TXNDC11: variants seen among roughly 807,000 people sequenced by gnomAD.
TXNDC11 encodes the protein thioredoxin domain containing 11, also known as thioredoxin domain-containing protein 11.
A neutral mutation model predicts 78.0 loss-of-function variants in TXNDC11; 68 were observed. The ratio of observed to expected loss-of-function variants is 0.87; its 90% CI spans 0.72 to 1.07. The LOEUF is 1.07. Ranked by LOEUF, TXNDC11 falls within the 50% of genes least tolerant of loss-of-function variation. The pLI is 0.00. For synonymous variants in TXNDC11, 571 were observed against 495.2 expected, an observed-to-expected ratio of 1.15 and a Z score of -2.03; for missense variants, 1,389 against 1,221.8, an observed-to-expected ratio of 1.14 and a Z score of -2.04.
Position 11,733,894 on chromosome 16 carries a change from T to G in TXNDC11, c.569+88A>C, listed in dbSNP as rs1380112565. ...ATCTGAATTTTCTATAGTGAATATC[T>G]AATACTTTAATATAGAAAAAATGCA... On this transcript the variant is annotated intron_variant, in intron 3 of 11. Coordinates refer to ENST00000283033, the MANE Select transcript of TXNDC11 (RefSeq NM_015914.7). 3.4e-6 allele frequency: 3 copies of G among 875,870 alleles called. No homozygotes were observed. In the Admixed American group the frequency reaches 7.0e-5, roughly 20 times the overall value. The allele number at this position is 875,870 out of a possible 1,614,324, so 54.3% of individuals were successfully genotyped here.
chr16:11,713,582 A>C (rs542174844), intron 5 of TXNDC11, among the ~76,000 whole-genome samples: 1 of 151,880 alleles, frequency 6.6e-6, no homozygotes, highest in East Asian at 1.9e-4. Context: ...ATGCCTGCCT[A>C]TTTTTGTATT....
chr16:11,698,404 AC>A, intron 6 of TXNDC11, 79 bp from the exon 7 acceptor site: 3 of 1,287,562 alleles, frequency 2.3e-6, no homozygotes, highest in East Asian at 2.3e-5. Context: ...TGCTGTTCCA[AC>A]CCCACCACTA....
At chr16:11,706,497 T>C (rs183439070) in intron 5 of TXNDC11, among the ~76,000 whole-genome samples, 136 of 152,374 alleles carry the variant, frequency 8.9e-4, no homozygotes, top group Admixed American at 7.4e-3. Flanking sequence ...CTGATGCTAA[T>C]ATTGTTTGCT....
At chr16:11,705,375 G>A (rs1418975903) in intron 5 of TXNDC11, among the ~76,000 whole-genome samples, 1 of 152,190 alleles carries the variant, frequency 6.6e-6, no homozygotes, top group Non-Finnish European at 1.5e-5. Flanking sequence ...AAAGGGCATG[G>A]CATATAAGTC....
intron 5 of TXNDC11, among the ~76,000 whole-genome samples, chr16:11,701,806 G>A (rs543636170): frequency 3.3e-5 from 5 of 152,260 alleles, no homozygotes; most frequent in South Asian, 4.1e-4. Flanking sequence ...TGATGCTGGT[G>A]GAAAAAGGCA....
At chr16:11,721,397 C>T (rs781730000) in intron 5 of TXNDC11, 180 bp downstream of exon 5, 2 of 382,240 alleles carry the variant, frequency 5.2e-6, no homozygotes, top group Non-Finnish European at 9.9e-6. Flanking sequence ...CAAGATCACG[C>T]CACTGCACTC....
rs143847335 is a variant in TXNDC11, at chr16:11,684,402, C to T, written c.2154-157G>A. Among the ~76,000 whole-genome samples, 8 of 152,236 alleles carry T rather than the reference C, an allele frequency of 5.3e-5. No homozygotes were observed. In the East Asian group the frequency reaches 1.2e-3, roughly 22 times the overall value. On this transcript the variant is annotated intron_variant, in intron 10 of 11. Transcript: ENST00000283033. ...AATGTACTACCAGGTGTGAGCTGGG[C>T]GCTGATACTTCCAAGACATACAACA... is the stretch of plus-strand genomic sequence containing the variant.
In TXNDC11 at chr16:11,700,505, ATAC is replaced by A; in HGVS notation, c.850_852del (p.Val284del). The stretch of plus-strand genomic sequence containing the variant: ...TACACACTTCCAGAGTGTACTAAGG[ATAC>A]CAGTTTCGCAAGATGTTTATTTGTG... On this transcript the variant is annotated inframe_deletion, in exon 6 of 12. Coordinates refer to ENST00000283033, the MANE Select transcript of TXNDC11 (RefSeq NM_015914.7). The A allele has an allele frequency of 6.2e-7, 1 of 1,606,184 alleles. No homozygotes were observed. Among genetic ancestry groups the A allele is most frequent in the Non-Finnish European group, 8.5e-7 (1 of 1,172,998 alleles).
At chr16:11,710,423 T>C (rs2051316291) in intron 5 of TXNDC11, among the ~76,000 whole-genome samples, 2 of 152,300 alleles carry the variant, frequency 1.3e-5, no homozygotes, top group South Asian at 4.1e-4. Flanking sequence ...CAAGGGCCAT[T>C]GCATTTTCAA....
intron 2 of TXNDC11, among the ~76,000 whole-genome samples, 199 bp downstream of exon 2, chr16:11,735,818 C>G (rs1438703236): frequency 1.3e-5 from 2 of 152,158 alleles, no homozygotes; most frequent in Admixed American, 6.5e-5. Flanking sequence ...AGAATCTGCT[C>G]CCACACTTGC....
intron 1 of TXNDC11, among the ~76,000 whole-genome samples, chr16:11,739,516 G>A (rs933977105): frequency 2.0e-5 from 3 of 152,004 alleles, no homozygotes; most frequent in South Asian, 2.1e-4. Context: ...CACTCCAGCC[G>A]GGGCAACATA....
At chr16:11,708,949 G>A (rs1436142866) in intron 5 of TXNDC11, among the ~76,000 whole-genome samples, 5 of 152,110 alleles carry the variant, frequency 3.3e-5, no homozygotes, top group Non-Finnish European at 7.3e-5. Context: ...TTTACATAGT[G>A]ATTCACTTTT....
rs2050737516 is a variant in TXNDC11, at chr16:11,692,062, C to G, written c.1128G>C (p.Glu376Asp). 6.5e-7 allele frequency: 1 copy of G among 1,526,776 alleles called. No homozygotes were observed. 94.6% of individuals were successfully genotyped at this position (1,526,776 alleles called of 1,614,324 possible). The change falls in exon 8 of 12, where the codon GAG becomes GAC. Residue 376 changes from glutamate to aspartate, a missense_variant. Physicochemically the swap from Glu to Asp is conservative, Grantham distance 45. Coordinates refer to ENST00000283033, the MANE Select transcript of TXNDC11 (RefSeq NM_015914.7). ...CCTGGTCCCCATGACAGTTGTTGTA[C>G]TCCAAGGCCACTTCGGTGATCTGAA... ...LIDEITEVAL[E>D]YNNCHGDQVV...
chr16:11,711,836 T>C (rs1251565281), intron 5 of TXNDC11, among the ~76,000 whole-genome samples: 1 of 152,134 alleles, frequency 6.6e-6, no homozygotes, highest in Non-Finnish European at 1.5e-5. Flanking sequence ...GAATAAACAC[T>C]TCCTACTTCA....
chr16:11,734,844 G>A (rs777302584), intron 2 of TXNDC11, among the ~76,000 whole-genome samples: 1 of 152,194 alleles, frequency 6.6e-6, no homozygotes, highest in Non-Finnish European at 1.5e-5. Context: ...CTGAGCAGGA[G>A]AGTCTTAGAA....
chr16:11,731,572 G>A (rs961819505), intron 3 of TXNDC11, among the ~76,000 whole-genome samples: 7 of 151,974 alleles, frequency 4.6e-5, no homozygotes, highest in African/African-American at 7.3e-5. Flanking sequence ...CTGCATAATC[G>A]TTCTTTTCTC....
chr16:11,736,803 G>A (rs907756851), intron 1 of TXNDC11, among the ~76,000 whole-genome samples: 1 of 152,154 alleles, frequency 6.6e-6, no homozygotes, highest in Non-Finnish European at 1.5e-5. Context: ...TAAGACTAAT[G>A]AAGATAAGTA....
chr16:11,686,073 C>T (rs952181352), intron 10 of TXNDC11, among the ~76,000 whole-genome samples: 1 of 152,186 alleles, frequency 6.6e-6, no homozygotes, highest in Non-Finnish European at 1.5e-5. Flanking sequence ...ATTCTCCTGC[C>T]TCAGCCTCCT....
At chr16:11,729,670 T>C (rs369372002) in intron 4 of TXNDC11, among the ~76,000 whole-genome samples, 3 of 152,348 alleles carry the variant, frequency 2.0e-5, no homozygotes, top group East Asian at 3.9e-4. Context: ...TCATTTTACT[T>C]GTACTCAAGT....
Sources: gnomAD v4.1 joint callset for allele counts (sites outside exome capture counted in the v4.1 genomes callset) on GRCh38, gnomAD v4.1.1 for gene constraint, MANE v1.5 for transcripts, NCBI Gene and HGNC (gene_info 2026-07-23, HGNC 2026-07-21) for gene names.